The following BHLHE40 variants were observed in gnomAD, a reference collection of about 807,000 sequenced individuals.
BHLHE40 encodes the protein basic helix-loop-helix family member e40.
In BHLHE40, 3 loss-of-function variants were observed where a neutral mutation model predicts 35.7. The observed-to-expected ratio is 0.08, with a 90% CI of 0.04 to 0.22. The LOEUF is 0.22. Ranked by LOEUF, BHLHE40 falls within the 10% of genes least tolerant of loss-of-function variation. The pLI, the probability that BHLHE40 is intolerant of heterozygous loss-of-function variation, is 1.00. For missense variants in BHLHE40, 486 were observed against 524.0 expected (o/e 0.93, Z 0.71); for synonymous variants, 236 against 213.0 (o/e 1.11, Z -0.94).
chr3:4,980,289 T>G lies in BHLHE40; in HGVS notation c.151-12T>G. On this transcript the variant is annotated splice_polypyrimidine_tract_variant and intron_variant, in intron 2 of 4. Coordinates refer to ENST00000256495, the MANE Select transcript of BHLHE40 (RefSeq NM_003670.3). ...TCCCCAAGCGCCCACCGCCTCCCCG[T>G]GCGTCTTGCAGGAGACCTACAAATT... 6.2e-7 allele frequency: 1 copy of G among 1,612,876 alleles called. No individual in the cohort carries two copies. Among genetic ancestry groups the G allele is most frequent in the Non-Finnish European group, 8.5e-7 (1 of 1,178,918 alleles).
At position 4,983,965 on chromosome 3, in the gene BHLHE40, G is replaced by C; in HGVS notation, c.*273G>C. ...GCTTGACATCAGGAGACTTGGGGGG[G>C]ATTGTAGCAGACGTCTGGGCTTTTC... is the stretch of plus-strand genomic sequence containing the variant. On this transcript the variant is annotated 3_prime_UTR_variant, in exon 5 of 5. Transcript: ENST00000256495. This position sits in a 1 kb window ranked among gnomAD's most constrained non-coding sequence, Gnocchi z 5.0. 1 of 440,368 alleles carries C rather than the reference G, an allele frequency of 2.3e-6. No individual in the cohort carries two copies. Among genetic ancestry groups the C allele is most frequent in the Non-Finnish European group, 4.0e-6 (1 of 247,606 alleles). The allele number at this position is 440,368 out of a possible 1,614,324, so 27.3% of individuals were successfully genotyped here.
intron 4 of BHLHE40, 178 bp downstream of exon 4, chr3:4,981,693 C>A: frequency 1.3e-6 from 1 of 763,394 alleles, no homozygotes; most frequent in Non-Finnish European, 2.0e-6. Flanking sequence ...ATGCATTGTG[C>A]CACCTGGCAT....
In BHLHE40 at chr3:4,984,274, A is replaced by G. The variant is rs1000716525; in HGVS notation, c.*582A>G. On this transcript the variant is annotated 3_prime_UTR_variant, in exon 5 of 5. Transcript: ENST00000256495. ...GTAGCAGGCACTGGCATAGCACGGT[A>G]GTGGTTTGGGGAGGTTTCCGCAGGT... 6.5e-6 allele frequency: 1 copy of G among 153,042 alleles called. No homozygotes were observed. Among genetic ancestry groups the G allele is most frequent in the African/African-American group, 2.4e-5 (1 of 41,408 alleles). The allele number at this position is 153,042 out of a possible 1,614,324, so 9.5% of individuals were successfully genotyped here.
Position 4,983,073 on chromosome 3 carries a change from C to T in BHLHE40, c.620C>T (p.Ser207Phe), listed in dbSNP as rs777186528. ...ATGGACTTCAAGGAAAAACCCAGCT[C>T]TCCGGCCAAAGGTTCGGAAGGTCCT... ...KVMDFKEKPS[S>F]PAKGSEGPGK... Residue 207 changes from serine to phenylalanine, a missense_variant, in exon 5 of 5, where the codon TCT (serine) becomes TTT (phenylalanine). Ser to Phe is a radical substitution (Grantham distance 155, BLOSUM62 -2). This residue lies in a region of BHLHE40 where 176 missense variants were observed against 180.5 expected (regional missense o/e 0.98). Coordinates refer to ENST00000256495, the MANE Select transcript of BHLHE40 (RefSeq NM_003670.3). The surrounding 1 kb of genome is among the most constrained non-coding windows in gnomAD (Gnocchi z 5.0). 1.2e-6 allele frequency: 2 copies of T among 1,614,172 alleles called. No homozygotes were observed. The highest frequency in any genetic ancestry group is 1.7e-6 in the Non-Finnish European group (2 of 1,180,032).
rs758963754 is a variant in BHLHE40 at position 4,983,497 on chromosome 3, G to A, written c.1044G>A (p.Val348=). 1.9e-5 allele frequency: 30 copies of A among 1,613,936 alleles called. No homozygotes were observed. The South Asian group carries it at 3.2e-4, about 17-fold the overall frequency. Residue 348 remains valine (V), a synonymous_variant, in exon 5 of 5, where the codon GTG becomes GTA. Coordinates refer to ENST00000256495, the MANE Select transcript of BHLHE40 (RefSeq NM_003670.3). The surrounding 1 kb of genome is among the most constrained non-coding windows in gnomAD (Gnocchi z 5.0). The part of the protein sequence containing the change: ...MLEKCWYPTS[V]PVLYPGLNAS... ...AGAAGTGCTGGTATCCCACCTCAGT[G>A]CCAGTGCTATACCCAGGCCTCAACG...
intron 3 of BHLHE40, among the ~76,000 whole-genome samples, 195 bp from the exon 4 acceptor site, chr3:4,981,197 C>T (rs201732856): frequency 0.35 from 34,398 of 99,304 alleles, 4,240 homozygotes; most frequent in East Asian, 0.51. Flanking sequence ...CACACACACA[C>T]ACACACACAC....
In BHLHE40 at chr3:4,983,602, T is replaced by G; in HGVS notation, c.1149T>G (p.Ser383=). ...APLLMPQRLP[S]PLPAHPSVDS... is the part of the protein sequence containing the mutation. ...TGCTCATGCCCCAGAGACTCCCTTC[T>G]CCCTTGCCAGCTCATCCGTCCGTCG... is the stretch of plus-strand genomic sequence containing the variant. Residue 383 remains serine, a synonymous_variant, in exon 5 of 5, where the codon TCT becomes TCG. Transcript: ENST00000256495. The surrounding 1 kb of genome is among the most constrained non-coding windows in gnomAD (Gnocchi z 5.0). 6.2e-7 allele frequency: 1 copy of G among 1,614,012 alleles called. No individual in the cohort carries two copies. Among genetic ancestry groups the G allele is most frequent in the Non-Finnish European group, 8.5e-7 (1 of 1,180,018 alleles).
Position 4,979,749 on chromosome 3 carries a change from C to G in BHLHE40, c.31C>G (p.Pro11Ala). The change falls in exon 1 of 5, where the codon CCC becomes GCC. Residue 11 changes from proline (P) to alanine (A), a missense_variant. By Grantham distance (27) the Pro-to-Ala change is conservative. Transcript: ENST00000256495. ...GCGGATCCCCAGCGCGCAACCACCC[C>G]CCGCCTGCCTGCCCAAAGCACCGGG... MERIPSAQPP[P>A]ACLPKAPGLE... 1.9e-6 allele frequency: 3 copies of G among 1,578,486 alleles called. No individual in the cohort carries two copies. Among genetic ancestry groups the G allele is most frequent in the Non-Finnish European group, 2.6e-6 (3 of 1,162,242 alleles).
rs199532945 is a variant in BHLHE40 at position 4,983,674 on chromosome 3, C to T, written c.1221C>T (p.Asn407=). Residue 407 remains asparagine (N), a synonymous_variant, in exon 5 of 5, where the codon AAC becomes AAT. Coordinates refer to ENST00000256495, the MANE Select transcript of BHLHE40 (RefSeq NM_003670.3). The surrounding 1 kb of genome is among the most constrained non-coding windows in gnomAD (Gnocchi z 5.0). ...LQALKPIPPL[N]LETKD The stretch of plus-strand genomic sequence containing the variant: ...CTCTGAAGCCAATCCCCCCTTTAAA[C>T]TTAGAAACCAAAGACTAAACTCTCT... The T allele has an allele frequency of 4.4e-6, 7 of 1,608,348 alleles. No individual in the cohort carries two copies. The highest frequency in any genetic ancestry group is 1.7e-4 in the Middle Eastern group (1 of 6,042).
Position 4,983,560 on chromosome 3 carries a change from C to G in BHLHE40, c.1107C>G (p.Asp369Glu), listed in dbSNP as rs1306906045. ...AAALSSFMNP[D>E]KISAPLLMPQ... ...CCCTCTCTAGCTTCATGAACCCAGA[C>G]AAGATCTCGGCTCCCTTGCTCATGC... Residue 369 changes from aspartate (D) to glutamate (E), a missense_variant, in exon 5 of 5, where the codon GAC (aspartate) becomes GAG (glutamate). Asp to Glu is a conservative substitution (Grantham distance 45). This residue lies in a region of BHLHE40 where 206 missense variants were observed against 208.9 expected (regional missense o/e 0.99). Transcript: ENST00000256495. The surrounding 1 kb of genome is among the most constrained non-coding windows in gnomAD (Gnocchi z 5.0). 6.2e-7 allele frequency: 1 copy of G among 1,614,188 alleles called. No homozygotes were observed. The highest frequency in any genetic ancestry group is 8.5e-7 in the Non-Finnish European group (1 of 1,180,024).
rs1269577302 is a variant in BHLHE40 at position 4,983,410 on chromosome 3, T to A, written c.957T>A (p.Pro319=). 6.2e-7 allele frequency: 1 copy of A among 1,614,016 alleles called. No individual in the cohort carries two copies. The highest frequency in any genetic ancestry group is 8.5e-7 in the Non-Finnish European group (1 of 1,180,028). ...TCCTGGGCCCACACCCACACCAGCCTCCTTTCTGCCTGCCCTTCTACCTGA... is the reference window on the plus strand; with the variant it reads ...TCCTGGGCCCACACCCACACCAGCCACCTTTCTGCCTGCCCTTCTACCTGA... ...SPFLGPHPHQ[P]PFCLPFYLIP... The change falls in exon 5 of 5, where the codon CCT becomes CCA. Residue 319 remains proline, a synonymous_variant. Coordinates refer to ENST00000256495, the MANE Select transcript of BHLHE40 (RefSeq NM_003670.3). This position sits in a 1 kb window ranked among gnomAD's most constrained non-coding sequence, Gnocchi z 5.0.
At chr3:4,981,296 C>CT (rs34085319) in intron 3 of BHLHE40, 96 bp from the exon 4 acceptor site, 18,071 of 1,285,250 alleles carry the variant, frequency 0.014, no homozygotes, top group Middle Eastern at 0.017. Flanking sequence ...CACTATTCCA[C>CT]TTTTTTTTTT....
At chr3:4,979,901 G>A in intron 1 of BHLHE40, 61 bp from the exon 2 acceptor site, 2 of 1,610,504 alleles carry the variant, frequency 1.2e-6, no homozygotes, top group African/African-American at 1.3e-5. Flanking sequence ...GTTCTTGCCC[G>A]GCAGAACGCC....
rs1024228445 is a variant in BHLHE40 at position 4,983,898 on chromosome 3, G to A, written c.*206G>A. ...CATGTGTGCCTGCGTGTTGGTATAG[G>A]ACTTTAAAGCTCCTTTTGGCATAGG... is the stretch of plus-strand genomic sequence containing the variant. On this transcript the variant is annotated 3_prime_UTR_variant, in exon 5 of 5. Coordinates refer to ENST00000256495, the MANE Select transcript of BHLHE40 (RefSeq NM_003670.3). This position sits in a 1 kb window ranked among gnomAD's most constrained non-coding sequence, Gnocchi z 5.0. 4.5e-6 allele frequency: 3 copies of A among 671,252 alleles called. No homozygotes were observed. Among genetic ancestry groups the A allele is most frequent in the Non-Finnish European group, 7.2e-6 (3 of 418,914 alleles). 41.6% of individuals were successfully genotyped at this position (671,252 alleles called of 1,614,324 possible).
At chr3:4,981,315 A>G in intron 3 of BHLHE40, 77 bp from the exon 4 acceptor site, 1 of 1,527,606 alleles carries the variant, frequency 6.5e-7, no homozygotes, top group Non-Finnish European at 8.8e-7. Context: ...TTCTTTTCTC[A>G]TTTCTCATTG....
In BHLHE40 at chr3:4,983,977, C is replaced by T; in HGVS notation, c.*285C>T. 2.5e-6 allele frequency: 1 copy of T among 400,336 alleles called. No individual in the cohort carries two copies. The allele number at this position is 400,336 out of a possible 1,614,324, so 24.8% of individuals were successfully genotyped here. On this transcript the variant is annotated 3_prime_UTR_variant, in exon 5 of 5. Coordinates refer to ENST00000256495, the MANE Select transcript of BHLHE40 (RefSeq NM_003670.3). The surrounding 1 kb of genome is among the most constrained non-coding windows in gnomAD (Gnocchi z 5.0). ...GAGACTTGGGGGGGATTGTAGCAGACGTCTGGGCTTTTCCCCACCCAGAGA... is the reference window on the plus strand; with the variant it reads ...GAGACTTGGGGGGGATTGTAGCAGATGTCTGGGCTTTTCCCCACCCAGAGA...
chr3:4,983,853 TGTATGTGC>T lies in BHLHE40; in HGVS notation c.*164_*171del. 1.0e-6 allele frequency: 1 copy of T among 995,510 alleles called. No homozygotes were observed. Among genetic ancestry groups the T allele is most frequent in the Non-Finnish European group, 1.4e-6 (1 of 690,044 alleles). The allele number at this position is 995,510 out of a possible 1,614,324, so 61.7% of individuals were successfully genotyped here. A position where few individuals can be genotyped will look rare whatever the true frequency, so the allele number is the denominator to read the frequency against. On this transcript the variant is annotated 3_prime_UTR_variant, in exon 5 of 5. Coordinates refer to ENST00000256495, the MANE Select transcript of BHLHE40 (RefSeq NM_003670.3). The surrounding 1 kb of genome is among the most constrained non-coding windows in gnomAD (Gnocchi z 5.0). ...GGGTGTGTGTGTGTGTGTGTGTGTG[TGTATGTGC>T]GTGTGCGTGCACATGTGTGCCTGCG... is the stretch of plus-strand genomic sequence containing the variant.
chr3:4,981,141 C>T (rs1035221665), intron 3 of BHLHE40, among the ~76,000 whole-genome samples: 15 of 148,336 alleles, frequency 1.0e-4, no homozygotes, highest in Admixed American at 9.5e-4. Flanking sequence ...AGGTGGCACC[C>T]GTTTTTTTAA....
At chr3:4,981,344 G>C in intron 3 of BHLHE40, 48 bp from the exon 4 acceptor site, 1 of 1,582,954 alleles carries the variant, frequency 6.3e-7, no homozygotes, top group Non-Finnish European at 8.6e-7. Context: ...TGTCCCAAAG[G>C]TGGGACTTCT....
Sources: allele counts gnomAD v4.1 joint callset (sites outside exome capture counted in the v4.1 genomes callset), GRCh38; gene constraint gnomAD v4.1.1; regional missense constraint gnomAD v4.1.1; non-coding constraint Gnocchi (gnomAD v3.1); transcripts MANE v1.5; gene names NCBI Gene and HGNC (gene_info 2026-07-23, HGNC 2026-07-21).